The following EVC2 variants were observed in gnomAD, a reference collection of about 807,000 sequenced individuals.
EVC2 encodes limbin.
EVC2 carries 148 observed loss-of-function variants against 149.3 expected under a neutral mutation model. The ratio of observed to expected loss-of-function variants is 0.99; its 90% confidence interval spans 0.87 to 1.14. The LOEUF (loss-of-function observed/expected upper bound fraction) is 1.14. Ranked by LOEUF, EVC2 falls within the 50% of genes most tolerant of loss-of-function variation. The pLI, the probability that EVC2 is intolerant of heterozygous loss-of-function variation, is 0.00. For missense variants in EVC2, 1,854 were observed against 1,627.3 expected, an observed-to-expected ratio of 1.14 and a Z score of -2.40; for synonymous variants, 776 against 649.9, an observed-to-expected ratio of 1.19 and a Z score of -2.95.
At chr4:5,559,114 G>A (rs770163487), downstream of EVC2, among the ~76,000 whole-genome samples, 68 of 152,170 alleles carry the variant, frequency 4.5e-4, 1 homozygote, top group Admixed American at 1.8e-3. The surrounding 1 kb of genome is among the most constrained non-coding windows in gnomAD (Gnocchi z 5.0). Context: ...GGAGGTTGAG[G>A]TATGAGGATC....
chr4:5,618,528 C>T lies in EVC2; in HGVS notation c.2656G>A (p.Glu886Lys). ...TGGTCCAGCTTCACGAACTCTGCTT[C>T]TCGCCACGCAGTCTGAAATTGCTGC... ...LLQQFQTAWR[E>K]AEFVKLDQAV... The change falls in exon 15 of 22, where the codon GAA becomes AAA. Residue 886 changes from glutamate (E) to lysine (K), a missense_variant. Transcript: ENST00000344408. The surrounding 1 kb of genome is among the most constrained non-coding windows in gnomAD (Gnocchi z 4.4). 1 of 1,614,052 alleles carries T rather than the reference C, an allele frequency of 6.2e-7. No individual in the cohort carries two copies. The highest frequency in any genetic ancestry group is 8.5e-7 in the Non-Finnish European group (1 of 1,180,040).
Position 5,681,325 on chromosome 4 carries a change from A to G in EVC2, c.817-12T>C, listed in dbSNP as rs1252959160. On this transcript the variant is annotated splice_polypyrimidine_tract_variant and intron_variant, in intron 6 of 21. Transcript: ENST00000344408. ...AGCTGTGTTCTGTTCTAGAAAAGGA[A>G]AAAAGAAAACACTTTCAGCAACAGT... is the stretch of plus-strand genomic sequence containing the variant. 5 of 1,614,230 alleles carry G rather than the reference A, an allele frequency of 3.1e-6. No homozygotes were observed. The highest frequency in any genetic ancestry group is 4.2e-6 in the Non-Finnish European group (5 of 1,180,030).
At chr4:5,529,944 T>G in the EVC2 span, among the ~76,000 whole-genome samples, 2 of 151,530 alleles carry the variant, frequency 1.3e-5, no homozygotes, top group Middle Eastern at 3.4e-3. The surrounding 1 kb of genome is among the most constrained non-coding windows in gnomAD (Gnocchi z 4.5). Context: ...GCCTCCTGAG[T>G]AGCTGGGATT....
intron 9 of EVC2, among the ~76,000 whole-genome samples, chr4:5,651,398 T>C (rs1718137782): frequency 6.6e-6 from 1 of 151,240 alleles, no homozygotes; most frequent in South Asian, 2.1e-4. Flanking sequence ...AAAAGATGGG[T>C]GGAAGGACAG....
intron 17 of EVC2, among the ~76,000 whole-genome samples, chr4:5,584,100 G>C (rs939538777): frequency 1.3e-5 from 2 of 151,844 alleles, no homozygotes; most frequent in African/African-American, 4.8e-5. Flanking sequence ...CTTATTATAA[G>C]TAATTATGAT....
chr4:5,616,706 G>A (rs1001494132), intron 15 of EVC2, among the ~76,000 whole-genome samples: 4 of 152,210 alleles, frequency 2.6e-5, no homozygotes, highest in African/African-American at 7.2e-5. Context: ...CCGCTATCTC[G>A]GGACTGAGCA....
chr4:5,569,846 C>T lies in EVC2; in HGVS notation c.3361-1206G>A, dbSNP rs1176526565. On this transcript the variant is annotated intron_variant, in intron 19 of 21. Transcript: ENST00000344408. The surrounding 1 kb of genome is among the most constrained non-coding windows in gnomAD (Gnocchi z 4.8). ...ACGAGGAAAGGTGCTGTTCCAAATA[C>T]CAAAGCTCCTTCCACGTCCTGACGC... 1.3e-5 allele frequency among the ~76,000 whole-genome samples: 2 copies of T among 152,124 alleles called. No individual in the cohort carries two copies. The highest frequency in any genetic ancestry group is 2.4e-5 in the African/African-American group (1 of 41,426).
chr4:5,623,541 T>C (rs1052857779), intron 13 of EVC2, among the ~76,000 whole-genome samples: 1 of 152,164 alleles, frequency 6.6e-6, no homozygotes. Flanking sequence ...GGTTTCACCA[T>C]GTTGGCTGAG....
rs1553818428 is a variant in EVC2, at chr4:5,584,851, C to A, written c.2830-1G>T. 1.9e-6 allele frequency: 3 copies of A among 1,614,172 alleles called. No homozygotes were observed. The highest frequency in any genetic ancestry group is 2.5e-6 in the Non-Finnish European group (3 of 1,180,044). ...TCTCCCGCAGCAATTCACCTCGAAC[C>A]TGGGAGGGGACAGGGATGGACCCAA... is the stretch of plus-strand genomic sequence containing the variant. On this transcript the variant is annotated splice_acceptor_variant, in intron 16 of 21. Transcript: ENST00000344408. LOFTEE classifies it high-confidence loss of function.
intron 6 of EVC2, among the ~76,000 whole-genome samples, chr4:5,684,353 G>C (rs1424647979): frequency 6.6e-5 from 10 of 152,084 alleles, no homozygotes; most frequent in African/African-American, 2.2e-4. Flanking sequence ...CACTGGCCTC[G>C]CAGCCTCAGG....
At chr4:5,598,212 A>T (rs547719277) in intron 16 of EVC2, among the ~76,000 whole-genome samples, 1 of 152,228 alleles carries the variant, frequency 6.6e-6, no homozygotes, top group Non-Finnish European at 1.5e-5. Context: ...GAATTGGAAA[A>T]AACTAATTTA....
intron 9 of EVC2, among the ~76,000 whole-genome samples, chr4:5,652,580 G>C (rs961032237): frequency 5.3e-5 from 8 of 152,154 alleles, no homozygotes; most frequent in Non-Finnish European, 1.2e-4. Context: ...AGGAAGTTAA[G>C]GTCCTCAGGA....
intron 6 of EVC2, among the ~76,000 whole-genome samples, chr4:5,684,354 C>G (rs1442778621): frequency 6.6e-6 from 1 of 152,198 alleles, no homozygotes; most frequent in African/African-American, 2.4e-5. Flanking sequence ...ACTGGCCTCG[C>G]AGCCTCAGGG....
intron 1 of EVC2, among the ~76,000 whole-genome samples, chr4:5,704,627 C>T (rs1274467205): frequency 6.6e-6 from 1 of 152,070 alleles, no homozygotes; most frequent in Admixed American, 6.5e-5. Flanking sequence ...TGGGGTGCTC[C>T]GGCCATTAAA....
At chr4:5,575,558 G>A (rs553724490) in intron 18 of EVC2, among the ~76,000 whole-genome samples, 12 of 152,300 alleles carry the variant, frequency 7.9e-5, no homozygotes, top group Non-Finnish European at 1.8e-4. Context: ...CTGAAATTTG[G>A]TCTATTTCCT....
At chr4:5,693,978 G>A (rs1407210916) in intron 3 of EVC2, among the ~76,000 whole-genome samples, 3 of 152,148 alleles carry the variant, frequency 2.0e-5, no homozygotes, top group Non-Finnish European at 2.9e-5. Context: ...CCCAGTGCCC[G>A]ACCCATAGTA....
At chr4:5,591,966 T>A (rs534916030) in intron 16 of EVC2, among the ~76,000 whole-genome samples, 2 of 152,336 alleles carry the variant, frequency 1.3e-5, no homozygotes, top group Non-Finnish European at 2.9e-5. Flanking sequence ...GTTTTTTCTA[T>A]GCATTATAAT....
At chr4:5,533,827 A>C in the EVC2 span, among the ~76,000 whole-genome samples, 1 of 152,182 alleles carries the variant, frequency 6.6e-6, no homozygotes, top group Non-Finnish European at 1.5e-5. Context: ...CTGAAACCCA[A>C]ATGGCAGAAA....
chr4:5,565,846 C>G (rs1188863586), intron 20 of EVC2, among the ~76,000 whole-genome samples: 1 of 152,182 alleles, frequency 6.6e-6, no homozygotes, highest in African/African-American at 2.4e-5. Context: ...CAAGATGCAA[C>G]CTCTGCCCTC....
Sources: allele counts gnomAD v4.1 joint callset (sites outside exome capture counted in the v4.1 genomes callset), GRCh38; gene constraint gnomAD v4.1.1; non-coding constraint Gnocchi (gnomAD v3.1); transcripts MANE v1.5; gene names NCBI Gene and HGNC (gene_info 2026-07-23, HGNC 2026-07-21).